CDH12: variants seen among roughly 807,000 people sequenced by gnomAD.
CDH12 encodes the protein cadherin-12.
CDH12 carries 41 observed loss-of-function variants against 74.1 expected under a neutral mutation model. The observed-to-expected ratio is 0.55, with a 90% CI of 0.43 to 0.72. The LOEUF is 0.72. Among genes scored for constraint, CDH12 ranks in the 30% least tolerant of loss-of-function variants. CDH12 has a pLI of 0.00. For synonymous variants in CDH12, 399 were observed against 355.0 expected (o/e 1.12, Z -1.39); for missense variants, 945 against 977.2 (o/e 0.97, Z 0.44).
At chr5:22,031,410 T>C (rs1031910975) in intron 5 of CDH12, among the ~76,000 whole-genome samples, 6 of 152,160 alleles carry the variant, frequency 3.9e-5, no homozygotes, top group African/African-American at 1.4e-4. Flanking sequence ...CCACTAAAAC[T>C]TTTGCCATAT....
chr5:22,519,959 G>T (rs1249430237), intron 1 of CDH12, among the ~76,000 whole-genome samples: 1 of 151,980 alleles, frequency 6.6e-6, no homozygotes, highest in Non-Finnish European at 1.5e-5. Flanking sequence ...TAAAATAATA[G>T]ACTTGTTTTT....
chr5:22,712,731 TA>T (rs1400767307), intron 1 of CDH12, among the ~76,000 whole-genome samples: 1 of 152,140 alleles, frequency 6.6e-6, no homozygotes, highest in African/African-American at 2.4e-5. Context: ...TAAAATACAA[TA>T]AAGTTTATGT....
intron 6 of CDH12, among the ~76,000 whole-genome samples, chr5:21,960,233 T>C (rs552563117): frequency 6.6e-6 from 1 of 152,286 alleles, no homozygotes; most frequent in African/African-American, 2.4e-5. Context: ...CAACAGAATA[T>C]ACATTCTTCT....
intron 5 of CDH12, among the ~76,000 whole-genome samples, chr5:21,998,918 T>G (rs183227610): frequency 2.1e-3 from 319 of 152,278 alleles, no homozygotes; most frequent in Middle Eastern, 3.4e-3. Flanking sequence ...CTATAACTTA[T>G]GCATGTTTAA....
intron 5 of CDH12, among the ~76,000 whole-genome samples, chr5:22,055,683 A>C (rs1362796216): frequency 6.6e-6 from 1 of 152,126 alleles, no homozygotes; most frequent in Admixed American, 6.6e-5. Flanking sequence ...CTTAATATTC[A>C]TTCATTCATT....
At chr5:22,352,416 A>G (rs1740392783) in intron 3 of CDH12, among the ~76,000 whole-genome samples, 1 of 152,178 alleles carries the variant, frequency 6.6e-6, no homozygotes, top group Admixed American at 6.6e-5. Context: ...ACAAAATACA[A>G]TAACAAAAAC....
At chr5:22,751,010 A>C (rs1745544072) in intron 1 of CDH12, among the ~76,000 whole-genome samples, 1 of 151,922 alleles carries the variant, frequency 6.6e-6, no homozygotes, top group Non-Finnish European at 1.5e-5. Flanking sequence ...ATTTAAAATA[A>C]ATCTTTACAT....
intron 3 of CDH12, among the ~76,000 whole-genome samples, chr5:22,221,549 T>C (rs1044506631): frequency 3.3e-5 from 5 of 151,942 alleles, no homozygotes; most frequent in African/African-American, 1.2e-4. Context: ...CTTGAGAATT[T>C]AGTCTTGTAG....
chr5:21,766,266 A>G (rs181699703), intron 11 of CDH12, among the ~76,000 whole-genome samples: 2 of 152,158 alleles, frequency 1.3e-5, no homozygotes, highest in African/African-American at 2.4e-5. Context: ...TTCACATATG[A>G]CAGTGAAATC....
intron 3 of CDH12, among the ~76,000 whole-genome samples, chr5:22,359,593 A>T (rs1267247280): frequency 6.6e-6 from 1 of 152,218 alleles, no homozygotes; most frequent in African/African-American, 2.4e-5. Context: ...ATAGACATCT[A>T]CAGAACTCTC....
intron 2 of CDH12, among the ~76,000 whole-genome samples, chr5:22,412,708 G>A (rs1265159308): frequency 6.6e-6 from 1 of 151,762 alleles, no homozygotes; most frequent in Non-Finnish European, 1.5e-5. Flanking sequence ...ACGGCCATGG[G>A]CACACTTAGG....
chr5:22,084,825 TC>T (rs1397465471), intron 4 of CDH12, among the ~76,000 whole-genome samples: 7 of 151,926 alleles, frequency 4.6e-5, no homozygotes, highest in Admixed American at 6.6e-5. Context: ...GGCAAACAAC[TC>T]CCCCAGGCAT....
intron 6 of CDH12, among the ~76,000 whole-genome samples, chr5:21,899,373 G>T (rs1753279011): frequency 6.6e-6 from 1 of 152,124 alleles, no homozygotes. Context: ...GGCCATTTTA[G>T]AAAATAGATA....
chr5:21,916,345 G>T (rs1312003435), intron 6 of CDH12, among the ~76,000 whole-genome samples: 1 of 152,128 alleles, frequency 6.6e-6, no homozygotes, highest in Non-Finnish European at 1.5e-5. Flanking sequence ...ACTCAGAAAG[G>T]TCAAAATTAT....
chr5:21,834,436 A>G (rs1001662681), intron 8 of CDH12, among the ~76,000 whole-genome samples: 2 of 151,934 alleles, frequency 1.3e-5, no homozygotes, highest in African/African-American at 4.8e-5. Context: ...TGAAAGTTAC[A>G]TTCTCTTCCT....
chr5:22,427,074 T>C (rs1743969757), intron 2 of CDH12, among the ~76,000 whole-genome samples: 1 of 152,188 alleles, frequency 6.6e-6, no homozygotes, highest in Non-Finnish European at 1.5e-5. Flanking sequence ...TTGCCTCCTC[T>C]TCTTTCCTCT....
At chr5:21,913,499 C>T (rs1482895527) in intron 6 of CDH12, among the ~76,000 whole-genome samples, 1 of 152,088 alleles carries the variant, frequency 6.6e-6, no homozygotes, top group African/African-American at 2.4e-5. Flanking sequence ...GCTTAATTCA[C>T]AAATTTTCCT....
chr5:22,339,253 A>C (rs1739740398), intron 3 of CDH12, among the ~76,000 whole-genome samples: 1 of 152,172 alleles, frequency 6.6e-6, no homozygotes, highest in Admixed American at 6.5e-5. Context: ...TGAGTGACTA[A>C]ACAGACAAAT....
At chr5:22,460,708 T>C (rs1745465787) in intron 2 of CDH12, among the ~76,000 whole-genome samples, 1 of 143,668 alleles carries the variant, frequency 7.0e-6, no homozygotes, top group African/African-American at 2.6e-5. Flanking sequence ...TGATGATATC[T>C]AGCAATTTTT....
Sources: allele counts gnomAD v4.1 joint callset (sites outside exome capture counted in the v4.1 genomes callset), GRCh38; gene constraint gnomAD v4.1.1; transcripts MANE v1.5; gene names NCBI Gene and HGNC (gene_info 2026-07-23, HGNC 2026-07-21).